Variants in SH3BP5 observed in about 807,000 individuals in gnomAD.
The protein encoded by SH3BP5 is SH3 domain binding protein 5, also known as SH3 domain-binding protein 5.
A neutral mutation model predicts 43.3 loss-of-function variants in SH3BP5; 22 were observed. The ratio of observed to expected loss-of-function variants is 0.51; its 90% CI spans 0.36 to 0.73. The LOEUF (loss-of-function observed/expected upper bound fraction) is 0.73, where lower values mean the gene tolerates loss of function less well. SH3BP5 is among the 30% of genes least tolerant of loss of function. The probability of loss-of-function intolerance (pLI) is 0.00; values close to 1 mark genes in which losing one functional copy is unlikely to be tolerated. For synonymous variants in SH3BP5, 255 were observed against 225.8 expected, an observed-to-expected ratio of 1.13 and a Z score of -1.16; for missense variants, 529 against 586.9, an observed-to-expected ratio of 0.90 and a Z score of 1.02.
upstream of SH3BP5, among the ~76,000 whole-genome samples, chr3:15,335,115 C>G (rs568673187): frequency 6.6e-6 from 1 of 152,128 alleles, no homozygotes; most frequent in East Asian, 1.9e-4. Context: ...GGTCTCTAGG[C>G]CAGGCATGGT....
At chr3:15,301,620 G>A (rs1025224366) in intron 3 of SH3BP5, among the ~76,000 whole-genome samples, 8 of 152,226 alleles carry the variant, frequency 5.3e-5, no homozygotes, top group Admixed American at 1.3e-4. Context: ...AGGCCTCATG[G>A]ATAAAGGGAT....
chr3:15,315,441 A>T (rs1170541454), intron 2 of SH3BP5, among the ~76,000 whole-genome samples: 1 of 152,006 alleles, frequency 6.6e-6, no homozygotes, highest in Non-Finnish European at 1.5e-5. Flanking sequence ...CTATTTCTTC[A>T]CTCCAACCCT....
At chr3:15,257,508 C>CG in intron 7 of SH3BP5, 1 of 162,610 alleles carries the variant, frequency 6.1e-6, no homozygotes, top group Non-Finnish European at 1.3e-5. Flanking sequence ...CAAACAAAGC[C>CG]AGCTGGACTC....
intron 3 of SH3BP5, among the ~76,000 whole-genome samples, chr3:15,285,887 C>T (rs796355784): frequency 5.3e-5 from 8 of 152,350 alleles, no homozygotes; most frequent in African/African-American, 1.9e-4. Context: ...TCCAATCTAA[C>T]TTTGCTTCTG....
At chr3:15,325,179 G>A (rs1211707356) in intron 2 of SH3BP5, among the ~76,000 whole-genome samples, 1 of 152,198 alleles carries the variant, frequency 6.6e-6, no homozygotes, top group African/African-American at 2.4e-5. Context: ...ATTAGACTTA[G>A]AAATTCTCAG....
At chr3:15,327,823 T>C (rs996183950) in intron 2 of SH3BP5, among the ~76,000 whole-genome samples, 14 of 152,226 alleles carry the variant, frequency 9.2e-5, no homozygotes, top group Non-Finnish European at 1.9e-4. Context: ...CAAATGTAGC[T>C]AACACTTGAA....
rs754096795 is a variant in SH3BP5 at position 15,264,103 on chromosome 3, A to G, written c.496-1814T>C. Reference sequence around the variant, plus strand: ...CAATCAGCCCTAGGATAGTTTACTTATTACTTACGATAAGGATTTTTAAAG... The same window carrying G: ...CAATCAGCCCTAGGATAGTTTACTTGTTACTTACGATAAGGATTTTTAAAG... On this transcript the variant is annotated intron_variant, in intron 4 of 8. Coordinates refer to ENST00000383791, the MANE Select transcript of SH3BP5 (RefSeq NM_004844.5). Among the ~76,000 whole-genome samples the G allele has an allele frequency of 5.2e-4, 79 of 152,292 alleles. 1 individual carries two copies. Among genetic ancestry groups the G allele is most frequent in the Middle Eastern group, 3.4e-3 (1 of 294 alleles).
At chr3:15,261,223 G>A (rs184042707) in intron 5 of SH3BP5, among the ~76,000 whole-genome samples, 3 of 152,226 alleles carry the variant, frequency 2.0e-5, no homozygotes, top group Non-Finnish European at 2.9e-5. Context: ...AGTCAATTAA[G>A]TGCAATAGTA....
chr3:15,286,762 T>C, intron 3 of SH3BP5, among the ~76,000 whole-genome samples: 1 of 152,140 alleles, frequency 6.6e-6, no homozygotes, highest in East Asian at 1.9e-4. Context: ...CCCAGGCTGG[T>C]CTTGAACTCC....
intron 1 of SH3BP5, among the ~76,000 whole-genome samples, chr3:15,337,914 CAA>C (rs5846867): frequency 3.2e-5 from 2 of 63,302 alleles, no homozygotes; most frequent in Non-Finnish European, 5.9e-5. Flanking sequence ...GACCCTGACT[CAA>C]AAAAAAAAAA....
At chr3:15,335,164 G>GC (rs1411225198), upstream of SH3BP5, among the ~76,000 whole-genome samples, 2 of 152,018 alleles carry the variant, frequency 1.3e-5, no homozygotes, top group African/African-American at 4.8e-5. Context: ...GGAGGCCGAG[G>GC]CAGGTGGATC....
chr3:15,268,161 C>T (rs993350242), intron 4 of SH3BP5, among the ~76,000 whole-genome samples: 10 of 152,296 alleles, frequency 6.6e-5, no homozygotes, highest in East Asian at 1.9e-4. Context: ...CAAGCTCAGC[C>T]GAGAGTCTCA....
intron 3 of SH3BP5, among the ~76,000 whole-genome samples, chr3:15,275,353 C>T (rs942444096): frequency 3.3e-5 from 5 of 152,204 alleles, no homozygotes; most frequent in African/African-American, 4.8e-5. Context: ...TTCACAATCC[C>T]GGAGAGAGCT....
intron 2 of SH3BP5, among the ~76,000 whole-genome samples, chr3:15,325,444 C>G (rs1164236219): frequency 2.0e-5 from 3 of 152,210 alleles, no homozygotes; most frequent in African/African-American, 4.8e-5. Context: ...GTTCTTCCCC[C>G]ACATGGCCTG....
intron 4 of SH3BP5, chr3:15,264,463 TGA>T (rs775404202): frequency 1.8e-4 from 27 of 152,306 alleles, no homozygotes; most frequent in Admixed American, 1.3e-3. Flanking sequence ...CCTTATTTAA[TGA>T]GAGAAATAAA....
intron 3 of SH3BP5, chr3:15,273,144 CA>C (rs1364049279): frequency 3.0e-6 from 3 of 985,306 alleles, no homozygotes; most frequent in African/African-American, 1.7e-5. Context: ...CTCCAGGAGA[CA>C]GGATGAATCC....
rs771698082 is a variant in SH3BP5 at position 15,265,667 on chromosome 3, C to T, written c.496-3378G>A. ...TTATGTCTCCTAGGTAATCAAGGAGCTCCTCTATCTACAGCCTAGCATCAG... is the reference window on the plus strand; with the variant it reads ...TTATGTCTCCTAGGTAATCAAGGAGTTCCTCTATCTACAGCCTAGCATCAG... On this transcript the variant is annotated intron_variant, in intron 4 of 8. Coordinates refer to ENST00000383791, the MANE Select transcript of SH3BP5 (RefSeq NM_004844.5). Among the ~76,000 whole-genome samples the T allele has an allele frequency of 8.1e-4, 124 of 152,228 alleles. 1 individual carries two copies. Among genetic ancestry groups the T allele is most frequent in the Non-Finnish European group, 1.3e-3 (91 of 68,010 alleles).
chr3:15,336,675 C>T (rs748869799), upstream of SH3BP5, among the ~76,000 whole-genome samples: 8 of 152,062 alleles, frequency 5.3e-5, no homozygotes, highest in Admixed American at 6.6e-5. Flanking sequence ...CGCCAGGTTG[C>T]GCTAAGGACC....
In SH3BP5 at chr3:15,258,959, GAGATC is replaced by G; in HGVS notation, c.756_760del (p.Met252IlefsTer3). On this transcript the variant is annotated frameshift_variant, in exon 7 of 9. Transcript: ENST00000383791. LOFTEE classifies it high-confidence loss of function. Reference sequence around the variant, plus strand: ...GCGCCGCCGCTCGTGGATCTCATCTGAGATCATCTCCAGGTTCTTCAGGGCCATCT... The same window carrying G: ...GCGCCGCCGCTCGTGGATCTCATCTGATCTCCAGGTTCTTCAGGGCCATCT... 6.2e-7 allele frequency: 1 copy of G among 1,614,202 alleles called. No individual in the cohort carries two copies. Among genetic ancestry groups the G allele is most frequent in the Non-Finnish European group, 8.5e-7 (1 of 1,180,034 alleles).
Sources: allele counts gnomAD v4.1 joint callset (sites outside exome capture counted in the v4.1 genomes callset), GRCh38; gene constraint gnomAD v4.1.1; transcripts MANE v1.5; gene names NCBI Gene and HGNC (gene_info 2026-07-23, HGNC 2026-07-21).